CSMD1: variants seen among roughly 807,000 people sequenced by gnomAD.
CSMD1 encodes the protein CUB and sushi domain-containing protein 1.
A neutral mutation model predicts 417.5 loss-of-function variants in CSMD1; 213 were observed. That is an observed-to-expected ratio of 0.51 (90% CI 0.46 to 0.57). The LOEUF is 0.57. Ranked by LOEUF, CSMD1 falls within the 20% of genes least tolerant of loss-of-function variation. The probability of loss-of-function intolerance (pLI) is 0.00; values close to 1 mark genes in which losing one functional copy is unlikely to be tolerated. For missense variants in CSMD1, 6,923 were observed against 4,529.7 expected, an observed-to-expected ratio of 1.53 and a Z score of -15.17; for synonymous variants, 2,862 against 1,736.8, an observed-to-expected ratio of 1.65 and a Z score of -16.11.
intron 1 of CSMD1, among the ~76,000 whole-genome samples, chr8:4,876,985 A>G (rs1363679438): frequency 2.6e-5 from 4 of 152,234 alleles, no homozygotes; most frequent in African/African-American, 9.6e-5. Context: ...AATATATACA[A>G]TAAGTATAAT....
At chr8:3,613,410 T>G in intron 8 of CSMD1, 1 of 208,188 alleles carries the variant, frequency 4.8e-6, no homozygotes, top group South Asian at 6.2e-5. Flanking sequence ...CAATTAATTT[T>G]GAGACCATTT....
At chr8:4,755,562 T>A (rs909181459) in intron 1 of CSMD1, among the ~76,000 whole-genome samples, 1 of 152,220 alleles carries the variant, frequency 6.6e-6, no homozygotes, top group African/African-American at 2.4e-5. Context: ...CTATTTGATG[T>A]AATTTTTTGA....
intron 3 of CSMD1, among the ~76,000 whole-genome samples, chr8:4,291,834 C>T (rs780545146): frequency 6.6e-6 from 1 of 152,132 alleles, no homozygotes; most frequent in Non-Finnish European, 1.5e-5. Context: ...ACCATATGGC[C>T]TTTGCAAAAT....
rs114047388 is a variant in CSMD1, at chr8:4,721,266, A to C, written c.86-83708T>G. Among the ~76,000 whole-genome samples, 390 of 152,322 alleles carry C rather than the reference A, an allele frequency of 2.6e-3. 5 individuals carry two copies. Among genetic ancestry groups the C allele is most frequent in the African/African-American group, 9.1e-3 (378 of 41,568 alleles). On this transcript the variant is annotated intron_variant, in intron 1 of 69. Transcript: ENST00000635120. ...TCCATATTTCCTCATGCCTAGTATC[A>C]TGTTTAACATATAGAAAGAAGAAAT...
At chr8:3,958,470 T>C (rs1281670248) in intron 5 of CSMD1, among the ~76,000 whole-genome samples, 1 of 152,226 alleles carries the variant, frequency 6.6e-6, no homozygotes, top group Non-Finnish European at 1.5e-5. Context: ...TAAAAATGAA[T>C]TATAATTGAA....
At chr8:3,294,600 G>A (rs1389679663) in intron 25 of CSMD1, among the ~76,000 whole-genome samples, 1 of 152,272 alleles carries the variant, frequency 6.6e-6, no homozygotes, top group East Asian at 1.9e-4. Context: ...AGGCTCCGTG[G>A]GGGTAGGACC....
intron 47 of CSMD1, among the ~76,000 whole-genome samples, chr8:3,094,091 T>TA (rs376562148): frequency 7.4e-4 from 110 of 148,796 alleles, no homozygotes; most frequent in Admixed American, 1.9e-3. Flanking sequence ...GGGTTTTTTT[T>TA]ATTTTATTTT....
chr8:3,418,930 G>C (rs148224912), intron 12 of CSMD1, among the ~76,000 whole-genome samples: 1 of 152,102 alleles, frequency 6.6e-6, no homozygotes, highest in African/African-American at 2.4e-5. Flanking sequence ...ATACATGAAA[G>C]GTATGCATAA....
At chr8:3,858,269 TG>T (rs1486441413) in intron 5 of CSMD1, among the ~76,000 whole-genome samples, 1 of 152,182 alleles carries the variant, frequency 6.6e-6, no homozygotes, top group Admixed American at 6.6e-5. Flanking sequence ...AGAATGAGGA[TG>T]GGCCTTATCA....
At chr8:4,003,975 T>C (rs759205379) in intron 4 of CSMD1, among the ~76,000 whole-genome samples, 49 of 152,130 alleles carry the variant, frequency 3.2e-4, no homozygotes, top group Non-Finnish European at 6.2e-4. Flanking sequence ...CTGGAAAACA[T>C]TCAGAGACTC....
chr8:4,960,745 T>G (rs917161550), intron 1 of CSMD1, among the ~76,000 whole-genome samples: 5 of 152,164 alleles, frequency 3.3e-5, no homozygotes, highest in African/African-American at 1.2e-4. Flanking sequence ...TGCAAATTCC[T>G]TTATAAGGGT....
chr8:4,679,302 G>A (rs1805893640), intron 1 of CSMD1, among the ~76,000 whole-genome samples: 1 of 152,174 alleles, frequency 6.6e-6, no homozygotes. Context: ...GCAGATGCAT[G>A]AAGGGCGAAG....
In CSMD1 at chr8:4,563,269, C is replaced by T. The variant is rs933297026; in HGVS notation, c.302+74073G>A. ...ACAAAAAATTAGCCGGACATGGTGG[C>T]GGGCACCTGTAGTCCCAGCTACTTG... is the stretch of plus-strand genomic sequence containing the variant. On this transcript the variant is annotated intron_variant, in intron 2 of 69. Coordinates refer to ENST00000635120, the MANE Select transcript of CSMD1 (RefSeq NM_033225.6). Among the ~76,000 whole-genome samples the T allele has an allele frequency of 5.3e-5, 8 of 152,144 alleles. No homozygotes were observed. In the South Asian group the frequency reaches 8.3e-4, roughly 16 times the overall value.
intron 54 of CSMD1, among the ~76,000 whole-genome samples, chr8:2,989,188 C>T (rs1190986158): frequency 6.6e-6 from 1 of 152,120 alleles, no homozygotes; most frequent in Non-Finnish European, 1.5e-5. Flanking sequence ...CAATTTTGTT[C>T]AGCTGCTTTT....
intron 3 of CSMD1, among the ~76,000 whole-genome samples, chr8:4,036,115 G>C (rs188021683): frequency 1.0e-3 from 152 of 152,266 alleles, no homozygotes; most frequent in Non-Finnish European, 7.8e-4. Flanking sequence ...AGGAGTACTA[G>C]GCTACACCAC....
Position 4,057,032 on chromosome 8 carries a change from G to C in CSMD1, c.416-24933C>G, listed in dbSNP as rs562591881. Among the ~76,000 whole-genome samples the C allele has an allele frequency of 7.0e-4, 107 of 152,270 alleles. 4 individuals are homozygous for C. Among genetic ancestry groups the C allele is most frequent in the African/African-American group, 9.9e-4 (41 of 41,562 alleles). On this transcript the variant is annotated intron_variant, in intron 3 of 69. Coordinates refer to ENST00000635120, the MANE Select transcript of CSMD1 (RefSeq NM_033225.6). ...TGTCTTTATAGCAGCATGATTTATA[G>C]TCCTTTGGGTATGTACCCAGTAATG...
At chr8:3,231,463 G>A (rs552552441) in intron 26 of CSMD1, among the ~76,000 whole-genome samples, 9 of 152,142 alleles carry the variant, frequency 5.9e-5, no homozygotes, top group East Asian at 5.8e-4. Flanking sequence ...TAGGCTTTGC[G>A]TTTTGTTTTG....
intron 7 of CSMD1, among the ~76,000 whole-genome samples, chr8:3,631,604 G>A (rs868447484): frequency 2.0e-5 from 3 of 152,224 alleles, no homozygotes; most frequent in Admixed American, 2.0e-4. Context: ...AGACAGGGAA[G>A]GATCCATCGG....
intron 2 of CSMD1, among the ~76,000 whole-genome samples, chr8:4,447,247 G>A (rs768236872): frequency 2.1e-4 from 32 of 152,296 alleles, no homozygotes; most frequent in Admixed American, 9.2e-4. Flanking sequence ...GGATGCTTAC[G>A]TTATAGCAGG....
Sources: allele counts gnomAD v4.1 joint callset (sites outside exome capture counted in the v4.1 genomes callset), GRCh38; gene constraint gnomAD v4.1.1; transcripts MANE v1.5; gene names NCBI Gene and HGNC (gene_info 2026-07-23, HGNC 2026-07-21).